NR5A2: variants seen among roughly 807,000 people sequenced by gnomAD.
NR5A2 encodes the protein nuclear receptor subfamily 5 group A member 2.
In NR5A2, 26 loss-of-function variants were observed where a neutral mutation model predicts 62.7. The ratio of observed to expected loss-of-function variants is 0.41; its 90% CI spans 0.30 to 0.58. NR5A2 has a LOEUF of 0.58. Ranked by LOEUF, NR5A2 falls within the 20% of genes least tolerant of loss-of-function variation. The pLI is 0.22. For missense variants in NR5A2, 541 were observed against 669.1 expected (o/e 0.81, Z 2.11); for synonymous variants, 246 against 241.7 (o/e 1.02, Z -0.16).
At chr1:200,131,456 T>C (rs1005912990) in intron 7 of NR5A2, among the ~76,000 whole-genome samples, 1 of 152,244 alleles carries the variant, frequency 6.6e-6, no homozygotes, top group African/African-American at 2.4e-5. Flanking sequence ...TTTTAGCTGT[T>C]AATGCTTATC....
chr1:200,114,100 T>C (rs1486955409), intron 6 of NR5A2, among the ~76,000 whole-genome samples: 1 of 152,034 alleles, frequency 6.6e-6, no homozygotes, highest in Non-Finnish European at 1.5e-5. Flanking sequence ...GGAGAATCGC[T>C]TGAACCCGGG....
intron 1 of NR5A2, among the ~76,000 whole-genome samples, chr1:200,036,884 G>C (rs1380442021): frequency 6.6e-6 from 1 of 152,136 alleles, no homozygotes; most frequent in African/African-American, 2.4e-5. Flanking sequence ...CAAAGCAAAG[G>C]AAAGGGCTTC....
chr1:200,032,484 GAGC>G (rs1238918980), intron 1 of NR5A2, among the ~76,000 whole-genome samples: 1 of 152,178 alleles, frequency 6.6e-6, no homozygotes, highest in Non-Finnish European at 1.5e-5. Context: ...GCACTTATAT[GAGC>G]AGTTTTATCT....
At chr1:200,067,826 G>T (rs192548665) in intron 5 of NR5A2, among the ~76,000 whole-genome samples, 1 of 152,218 alleles carries the variant, frequency 6.6e-6, no homozygotes, top group Admixed American at 6.5e-5. Context: ...GCAGACACCA[G>T]TGTGCAAATT....
Position 200,048,026 on chromosome 1 carries a change from TGGGAAA to T in NR5A2, c.464-145_464-140del. The T allele has an allele frequency of 2.9e-6, 2 of 698,414 alleles. No homozygotes were observed. The highest frequency in any genetic ancestry group is 4.6e-6 in the Non-Finnish European group (2 of 432,400). 43.3% of individuals were successfully genotyped at this position (698,414 alleles called of 1,614,324 possible). On this transcript the variant is annotated intron_variant, in intron 4 of 7. Transcript: ENST00000367362. This position sits in a 1 kb window ranked among gnomAD's most constrained non-coding sequence, Gnocchi z 4.8. ...CATAAATAAAGAGGACATGGTTTTT[TGGGAAA>T]TCTTTGTGGGCTATTGTAACGAAAA...
intron 1 of NR5A2, among the ~76,000 whole-genome samples, chr1:200,036,951 G>C (rs565393523): frequency 9.2e-5 from 14 of 152,162 alleles, no homozygotes; most frequent in Non-Finnish European, 1.8e-4. Flanking sequence ...TTAAAACCCA[G>C]TCCCCAGCCA....
chr1:200,081,301 GC>G (rs1442129123), intron 5 of NR5A2, among the ~76,000 whole-genome samples: 9 of 152,098 alleles, frequency 5.9e-5, no homozygotes, highest in African/African-American at 2.2e-4. Flanking sequence ...TGACCTAAAT[GC>G]CTCATTTTCA....
chr1:200,056,802 G>C (rs575444528), intron 5 of NR5A2, among the ~76,000 whole-genome samples: 2 of 152,092 alleles, frequency 1.3e-5, no homozygotes, highest in Non-Finnish European at 2.9e-5. Flanking sequence ...TTATCTACTG[G>C]AACCATGGGG....
At chr1:200,160,565 A>G (rs531943038) in intron 7 of NR5A2, among the ~76,000 whole-genome samples, 1 of 152,316 alleles carries the variant, frequency 6.6e-6, no homozygotes, top group African/African-American at 2.4e-5. Flanking sequence ...TTTGAAATCA[A>G]ATAATTAAAT....
At chr1:200,093,508 C>G (rs562154898) in intron 5 of NR5A2, among the ~76,000 whole-genome samples, 1 of 152,244 alleles carries the variant, frequency 6.6e-6, no homozygotes, top group African/African-American at 2.4e-5. Flanking sequence ...TGGATAAAAG[C>G]AGACTCAGAT....
intron 1 of NR5A2, among the ~76,000 whole-genome samples, chr1:200,033,112 G>A (rs1282137867): frequency 6.6e-6 from 1 of 152,178 alleles, no homozygotes; most frequent in Non-Finnish European, 1.5e-5. Context: ...TGAGTGGGGT[G>A]GGACAAAGGC....
intron 5 of NR5A2, among the ~76,000 whole-genome samples, chr1:200,084,043 T>G (rs1484416365): frequency 3.3e-5 from 5 of 151,482 alleles, no homozygotes; most frequent in Non-Finnish European, 7.4e-5. Context: ...AGGTCAGATA[T>G]TCTTAAGATT....
rs1224325304 is a variant in NR5A2 at position 200,039,074 on chromosome 1, G to T, written c.65-584G>T. 6.6e-6 allele frequency among the ~76,000 whole-genome samples: 1 copy of T among 152,104 alleles called. No individual in the cohort carries two copies. Among genetic ancestry groups the T allele is most frequent in the Non-Finnish European group, 1.5e-5 (1 of 68,008 alleles). ...GGAAGGGCCGTTCTCGGTCCCGCGC[G>T]GGGAGTGGACCAGGCAGGAGAGGGA... On this transcript the variant is annotated intron_variant, in intron 1 of 7. Transcript: ENST00000367362. The surrounding 1 kb of genome is among the most constrained non-coding windows in gnomAD (Gnocchi z 5.1).
chr1:200,107,246 A>G (rs897113460), intron 5 of NR5A2, among the ~76,000 whole-genome samples: 3 of 151,942 alleles, frequency 2.0e-5, no homozygotes, highest in Non-Finnish European at 4.4e-5. Context: ...AGAAAACTGC[A>G]GAAGTGAAAG....
chr1:200,086,316 A>G (rs983049582), intron 5 of NR5A2, among the ~76,000 whole-genome samples: 9 of 149,810 alleles, frequency 6.0e-5, no homozygotes, highest in African/African-American at 2.0e-4. Flanking sequence ...TTTTTTTTTT[A>G]TTTTGAGAGG....
intron 5 of NR5A2, among the ~76,000 whole-genome samples, chr1:200,059,930 GAACAACAAAAATGACATAAACCACGTC>G (rs1663118228): frequency 6.6e-6 from 1 of 152,068 alleles, no homozygotes; most frequent in African/African-American, 2.4e-5. Context: ...CCACAGCCAA[GAACAACAAAAATGACATAAACCACGTC>G]ACCTAACCCA....
At chr1:200,074,736 CAAAAAAAAAAAAA>C (rs199556915) in intron 5 of NR5A2, among the ~76,000 whole-genome samples, 3 of 67,558 alleles carry the variant, frequency 4.4e-5, no homozygotes, top group Non-Finnish European at 8.0e-5. Context: ...GAGTCCATCT[CAAAAAAAAAAAAA>C]AAAAAAACAC....
intron 5 of NR5A2, among the ~76,000 whole-genome samples, chr1:200,052,960 A>G (rs538208964): frequency 2.0e-5 from 3 of 152,320 alleles, no homozygotes; most frequent in African/African-American, 7.2e-5. Flanking sequence ...TCACTCTCTC[A>G]GGACAAATTA....
At chr1:200,043,290 G>C (rs746986295) in intron 2 of NR5A2, among the ~76,000 whole-genome samples, 6 of 152,184 alleles carry the variant, frequency 3.9e-5, no homozygotes, top group Non-Finnish European at 7.3e-5. Flanking sequence ...TTTCTCTGTC[G>C]GACAGAGTTT....
Sources: allele counts gnomAD v4.1 joint callset (sites outside exome capture counted in the v4.1 genomes callset), GRCh38; gene constraint gnomAD v4.1.1; non-coding constraint Gnocchi (gnomAD v3.1); transcripts MANE v1.5; gene names NCBI Gene and HGNC (gene_info 2026-07-23, HGNC 2026-07-21).